Variants in NCR1 observed in about 807,000 individuals in gnomAD.
NCR1 encodes natural cytotoxicity triggering receptor 1.
NCR1 carries 30 observed loss-of-function variants against 32.5 expected under a neutral mutation model. The observed-to-expected ratio is 0.92, with a 90% confidence interval of 0.69 to 1.25. The LOEUF (loss-of-function observed/expected upper bound fraction) is 1.25. Ranked by LOEUF, NCR1 falls within the 50% of genes most tolerant of loss-of-function variation. The pLI is 0.00. For missense variants in NCR1, 369 were observed against 380.7 expected (o/e 0.97, Z 0.26); for synonymous variants, 169 against 143.4 (o/e 1.18, Z -1.28).
At chr19:54,898,399 C>T in the NCR1 span, among the ~76,000 whole-genome samples, 1 of 152,114 alleles carries the variant, frequency 6.6e-6, no homozygotes, top group Non-Finnish European at 1.5e-5. Context: ...GCGGTTCAGG[C>T]GTTTGGAGTT....
chr19:54,934,357 G>A, the NCR1 span: 12 of 909,810 alleles, frequency 1.3e-5, no homozygotes, highest in African/African-American at 4.9e-5. This position sits in a 1 kb window ranked among gnomAD's most constrained non-coding sequence, Gnocchi z 6.7. Context: ...AGGAGCCACC[G>A]TGCCGGGCCT....
upstream of NCR1, among the ~76,000 whole-genome samples, chr19:54,903,302 GTATATGTATA>G (rs2067335731): frequency 7.1e-6 from 1 of 140,246 alleles, no homozygotes. Context: ...ACACATATAC[GTATATGTATA>G]CATACATGTA....
At chr19:54,902,271 C>T (rs768740794), upstream of NCR1, among the ~76,000 whole-genome samples, 1 of 151,448 alleles carries the variant, frequency 6.6e-6, no homozygotes, top group Admixed American at 6.6e-5. Context: ...AAAATGCTAA[C>T]TTTGGGGAAA....
the NCR1 span, among the ~76,000 whole-genome samples, chr19:54,929,287 C>G: frequency 6.6e-6 from 1 of 152,036 alleles, no homozygotes; most frequent in Non-Finnish European, 1.5e-5. Flanking sequence ...ATCGCTTGAA[C>G]CTTGGAGGCT....
At chr19:54,930,895 C>T in the NCR1 span, among the ~76,000 whole-genome samples, 4 of 151,996 alleles carry the variant, frequency 2.6e-5, no homozygotes, top group South Asian at 2.1e-4. Context: ...TGGTGGTGCA[C>T]GCCTGTAGTG....
chr19:54,916,702 A>ATTCTTT (rs2068142380), downstream of NCR1, among the ~76,000 whole-genome samples: 1 of 50,480 alleles, frequency 2.0e-5, no homozygotes, highest in Non-Finnish European at 3.4e-5. Flanking sequence ...CAACTGTTCT[A>ATTCTTT]TTTTTTTTTT....
At chr19:54,906,410 G>C in intron 2 of NCR1, 76 bp downstream of exon 2, 1 of 1,604,966 alleles carries the variant, frequency 6.2e-7, no homozygotes, top group Non-Finnish European at 8.5e-7. Context: ...CACGGCTGGG[G>C]TGAGGGGACA....
the NCR1 span, among the ~76,000 whole-genome samples, chr19:54,921,233 C>T: frequency 1.3e-5 from 2 of 152,152 alleles, no homozygotes; most frequent in Non-Finnish European, 2.9e-5. Flanking sequence ...CCTTTATTCA[C>T]GCTGTCTCTA....
chr19:54,935,561 T>C, the NCR1 span, among the ~76,000 whole-genome samples: 1 of 148,556 alleles, frequency 6.7e-6, no homozygotes, highest in Admixed American at 6.7e-5. Context: ...CCAGGCGTGG[T>C]GGTGCACGCC....
At chr19:54,910,094 C>A (rs369231418) in intron 5 of NCR1, 29 bp downstream of exon 5, 1 of 1,607,822 alleles carries the variant, frequency 6.2e-7, no homozygotes, top group Non-Finnish European at 8.5e-7. Context: ...TAAGCTCAGA[C>A]GAGCGATCAG....
downstream of NCR1, among the ~76,000 whole-genome samples, chr19:54,920,045 A>C (rs890839182): frequency 3.9e-5 from 6 of 152,220 alleles, no homozygotes; most frequent in Non-Finnish European, 8.8e-5. Context: ...TGATACTCAT[A>C]TATAATCATA....
the NCR1 span, among the ~76,000 whole-genome samples, chr19:54,925,941 A>AG: frequency 1.2e-3 from 182 of 151,770 alleles, 1 homozygote; most frequent in African/African-American, 4.2e-3. Context: ...TGGAGCTTGC[A>AG]GTGAGCCGAG....
At chr19:54,930,574 A>G in the NCR1 span, 1 of 1,612,162 alleles carries the variant, frequency 6.2e-7, no homozygotes, top group Non-Finnish European at 8.5e-7. Flanking sequence ...TATCTGGTTG[A>G]TACTCAAGTC....
chr19:54,919,647 T>C (rs1254520218), downstream of NCR1, among the ~76,000 whole-genome samples: 1 of 151,002 alleles, frequency 6.6e-6, no homozygotes, highest in Non-Finnish European at 1.5e-5. Context: ...CGAGCCTGAC[T>C]GATGTCAGGC....
chr19:54,910,124 A>G (rs2067893075), intron 5 of NCR1, 59 bp downstream of exon 5: 1 of 1,520,702 alleles, frequency 6.6e-7, no homozygotes, highest in Non-Finnish European at 9.1e-7. Flanking sequence ...GTGACACTAA[A>G]AACGTGGCAT....
chr19:54,936,298 G>A, the NCR1 span: 1 of 1,613,904 alleles, frequency 6.2e-7, no homozygotes, highest in Non-Finnish European at 8.5e-7. Context: ...TTTCTGAGCA[G>A]GTCACACAGC....
upstream of NCR1, among the ~76,000 whole-genome samples, chr19:54,901,215 G>A (rs587640175): frequency 6.0e-5 from 9 of 149,874 alleles, no homozygotes; most frequent in Non-Finnish European, 1.0e-4. Flanking sequence ...GCATAAACTC[G>A]GGAGGCAGAG....
At chr19:54,927,154 C>T in the NCR1 span, among the ~76,000 whole-genome samples, 6 of 151,044 alleles carry the variant, frequency 4.0e-5, no homozygotes, top group East Asian at 2.0e-4. Flanking sequence ...TTTGGGAGGC[C>T]GAGGCAGGTG....
At chr19:54,920,232 C>T (rs1569538300), downstream of NCR1, among the ~76,000 whole-genome samples, 1 of 152,126 alleles carries the variant, frequency 6.6e-6, no homozygotes, top group Non-Finnish European at 1.5e-5. Context: ...GCTGAGCCAG[C>T]CATTCTTAAC....
Sources: allele counts gnomAD v4.1 joint callset (sites outside exome capture counted in the v4.1 genomes callset), GRCh38; gene constraint gnomAD v4.1.1; non-coding constraint Gnocchi (gnomAD v3.1); transcripts MANE v1.5; gene names NCBI Gene and HGNC (gene_info 2026-07-23, HGNC 2026-07-21).